CD300LG: variants seen among roughly 807,000 people sequenced by gnomAD.
CD300LG encodes the protein CD300 molecule like family member g.
In CD300LG, 29 loss-of-function variants were observed where a neutral mutation model predicts 31.5. The observed-to-expected ratio is 0.92, with a 90% confidence interval of 0.68 to 1.25. CD300LG has a LOEUF of 1.25. CD300LG is among the 50% of genes most tolerant of loss of function. The probability of loss-of-function intolerance (pLI) is 0.00; values close to 1 mark genes in which losing one functional copy is unlikely to be tolerated. For synonymous variants in CD300LG, 175 were observed against 177.2 expected (o/e 0.99, Z 0.10); for missense variants, 396 against 417.6 (o/e 0.95, Z 0.45).
chr17:43,850,452 T>TATTCATTC (rs147005101), intron 2 of CD300LG, among the ~76,000 whole-genome samples: 7,364 of 151,410 alleles, frequency 0.049, 620 homozygotes, highest in African/African-American at 0.17. Flanking sequence ...TATTTATTTT[T>TATTCATTC]ATTCATTCAT....
Position 43,863,291 on chromosome 17 carries a change from T to A in CD300LG, c.*1380T>A, listed in dbSNP as rs2143433878. The A allele has an allele frequency of 6.6e-6, 1 of 152,312 alleles. No individual in the cohort carries two copies. Among genetic ancestry groups the A allele is most frequent in the East Asian group, 1.9e-4 (1 of 5,184 alleles). The allele number at this position is 152,312 out of a possible 1,614,324, so 9.4% of individuals were successfully genotyped here. Reference sequence around the variant, plus strand: ...GCTTCAGTCTCCCAAATTGCCGGGATTACAGGCATGAGCCACTGTGTCTGG... The same window carrying A: ...GCTTCAGTCTCCCAAATTGCCGGGAATACAGGCATGAGCCACTGTGTCTGG... On this transcript the variant is annotated 3_prime_UTR_variant, in exon 7 of 7. Transcript: ENST00000317310.
intron 2 of CD300LG, among the ~76,000 whole-genome samples, chr17:43,851,353 C>G (rs1423795864): frequency 6.6e-6 from 1 of 152,152 alleles, no homozygotes; most frequent in East Asian, 1.9e-4. Context: ...GAAATGCTCA[C>G]TGGGGCATTT....
chr17:43,856,251 A>T (rs2046517226), intron 5 of CD300LG, among the ~76,000 whole-genome samples: 1 of 152,218 alleles, frequency 6.6e-6, no homozygotes, highest in African/African-American at 2.4e-5. Context: ...ACCCAGTCTA[A>T]CATGAAGTAG....
intron 2 of CD300LG, chr17:43,849,155 C>A: frequency 1.8e-6 from 1 of 550,078 alleles, no homozygotes; most frequent in Non-Finnish European, 3.2e-6. Flanking sequence ...CTGGGCTCGG[C>A]GCCTTTCCTT....
At chr17:43,858,551 G>A (rs978311318) in intron 6 of CD300LG, 9 of 985,450 alleles carry the variant, frequency 9.1e-6, no homozygotes, top group Non-Finnish European at 1.1e-5. Context: ...GGGGCACAGG[G>A]CCAGCAGGCA....
chr17:43,852,877 GC>G, intron 2 of CD300LG, 34 bp from the exon 3 acceptor site: 1 of 1,540,558 alleles, frequency 6.5e-7, no homozygotes, highest in Non-Finnish European at 8.9e-7. Flanking sequence ...TCAGAGCGGT[GC>G]CACCCCTGAG....
rs2143339525 is a variant in CD300LG at position 43,852,970 on chromosome 17, G to A, written c.438G>A (p.Leu146=). ...PTFQPLATTR[L]QPKAKAQQTQ... Reference sequence around the variant, plus strand: ...TCCAGCCTCTGGCTACAACACGCCTGCAGCCCAAGGCAAAAGCTCAGCAAA... The same window carrying A: ...TCCAGCCTCTGGCTACAACACGCCTACAGCCCAAGGCAAAAGCTCAGCAAA... The change falls in exon 3 of 7, where the codon CTG becomes CTA. Residue 146 remains leucine (L), a synonymous_variant. Transcript: ENST00000317310. The A allele has an allele frequency of 1.2e-6, 2 of 1,612,356 alleles. No individual in the cohort carries two copies. The highest frequency in any genetic ancestry group is 8.5e-7 in the Non-Finnish European group (1 of 1,179,212).
chr17:43,857,188 C>T, intron 6 of CD300LG, 32 bp downstream of exon 6: 1 of 1,611,168 alleles, frequency 6.2e-7, no homozygotes, highest in Non-Finnish European at 8.5e-7. Flanking sequence ...AGCCCAAGCT[C>T]AGATCCCCTT....
chr17:43,855,051 AC>A (rs34154863), intron 4 of CD300LG, among the ~76,000 whole-genome samples, 155 bp from the exon 5 acceptor site: 7 of 136,634 alleles, frequency 5.1e-5, no homozygotes, highest in African/African-American at 8.1e-5. Context: ...ACTAAATACC[AC>A]CCCCCCGCAC....
At chr17:43,851,640 A>ATTTTTTT (rs60784804) in intron 2 of CD300LG, among the ~76,000 whole-genome samples, 2 of 111,866 alleles carry the variant, frequency 1.8e-5, no homozygotes, top group Non-Finnish European at 1.8e-5. Context: ...GAGGACAGGA[A>ATTTTTTT]TTTTTTTTTT....
intron 6 of CD300LG, chr17:43,857,619 C>G: frequency 8.8e-7 from 1 of 1,142,784 alleles, no homozygotes; most frequent in Non-Finnish European, 1.3e-6. Context: ...CTGAACCCTC[C>G]AGGGGTGGGG....
chr17:43,849,659 A>T (rs539179731), intron 2 of CD300LG: 1 of 152,208 alleles, frequency 6.6e-6, no homozygotes, highest in Non-Finnish European at 1.5e-5. Flanking sequence ...TCCCCATTTC[A>T]CGGATGAGGG....
At chr17:43,858,419 C>T (rs1278974047) in intron 6 of CD300LG, 6 of 985,324 alleles carry the variant, frequency 6.1e-6, no homozygotes, top group Non-Finnish European at 7.2e-6. Context: ...AGGCTGAGAG[C>T]GCCGGAACCA....
chr17:43,861,604 G>C (rs2046654795), intron 6 of CD300LG, among the ~76,000 whole-genome samples, 194 bp from the exon 7 acceptor site: 1 of 152,224 alleles, frequency 6.6e-6, no homozygotes, highest in African/African-American at 2.4e-5. Flanking sequence ...GGATGGATTG[G>C]GGTCATGAGA....
Position 43,848,646 on chromosome 17 carries a change from G to A in CD300LG, c.132G>A (p.Arg44=), listed in dbSNP as rs1302231796. 2 of 1,614,050 alleles carry A rather than the reference G, an allele frequency of 1.2e-6. No homozygotes were observed. Among genetic ancestry groups the A allele is most frequent in the Non-Finnish European group, 1.7e-6 (2 of 1,179,998 alleles). ...AGTGCACCTACAGGGAAGAGCTGAG[G>A]GACCACCGGAAGTACTGGTGCAGGA... ...SLQCTYREEL[R]DHRKYWCRKG... The change falls in exon 2 of 7, where the codon AGG becomes AGA. Residue 44 remains arginine (R), a synonymous_variant. Coordinates refer to ENST00000317310, the MANE Select transcript of CD300LG (RefSeq NM_145273.4).
At chr17:43,858,947 GC>G (rs1258671355) in intron 6 of CD300LG, among the ~76,000 whole-genome samples, 3 of 152,152 alleles carry the variant, frequency 2.0e-5, no homozygotes, top group Non-Finnish European at 2.9e-5. Context: ...CGTGTCAGGG[GC>G]TTTATATATG....
intron 2 of CD300LG, among the ~76,000 whole-genome samples, chr17:43,852,356 A>G (rs888542571): frequency 4.6e-5 from 7 of 152,086 alleles, no homozygotes; most frequent in Non-Finnish European, 1.0e-4. Flanking sequence ...CTGGGATTAC[A>G]GGCATGCTCC....
intron 4 of CD300LG, 133 bp from the exon 5 acceptor site, chr17:43,855,071 CCCA>C (rs1014161839): frequency 1.2e-4 from 20 of 164,500 alleles, no homozygotes; most frequent in South Asian, 6.1e-4. Context: ...ACCACCACCC[CCCA>C]CAAGTCTCTG....
Position 43,848,648 on chromosome 17 carries a change from AC to A in CD300LG, c.136del (p.His46ThrfsTer30). The A allele has an allele frequency of 6.2e-7, 1 of 1,614,078 alleles. No homozygotes were observed. On this transcript the variant is annotated frameshift_variant, in exon 2 of 7. Transcript: ENST00000317310. LOFTEE classifies it high-confidence loss of function. ...TGCACCTACAGGGAAGAGCTGAGGG[AC>A]CACCGGAAGTACTGGTGCAGGAAGG... ...LQCTYREELRDHRKYWCRKGG... is the reference protein window; with the variant it reads ...LQCTYREELRXHRKYWCRKGG...
Sources: gnomAD v4.1 joint callset for allele counts (sites outside exome capture counted in the v4.1 genomes callset) on GRCh38, gnomAD v4.1.1 for gene constraint, MANE v1.5 for transcripts, NCBI Gene and HGNC (gene_info 2026-07-23, HGNC 2026-07-21) for gene names.